CDK17: variants seen among roughly 807,000 people sequenced by gnomAD.
The protein encoded by CDK17 is cyclin-dependent kinase 17.
A neutral mutation model predicts 77.6 loss-of-function variants in CDK17; 24 were observed. The observed-to-expected ratio is 0.31, with a 90% confidence interval of 0.22 to 0.44. The LOEUF is 0.44. Ranked by LOEUF, CDK17 falls within the 20% of genes least tolerant of loss-of-function variation. The probability of loss-of-function intolerance (pLI) is 1.00; values close to 1 mark genes in which losing one functional copy is unlikely to be tolerated. For synonymous variants in CDK17, 203 were observed against 210.4 expected (o/e 0.96, Z 0.30); for missense variants, 429 against 622.5 (o/e 0.69, Z 3.31).
chr12:96,345,909 T>C (rs552283576), intron 1 of CDK17, among the ~76,000 whole-genome samples: 5 of 152,206 alleles, frequency 3.3e-5, no homozygotes, highest in South Asian at 2.1e-4. Flanking sequence ...CAGAAAACAA[T>C]AGCTAACTAG....
chr12:96,346,794 A>T (rs1181162424), intron 1 of CDK17, among the ~76,000 whole-genome samples: 1 of 152,018 alleles, frequency 6.6e-6, no homozygotes, highest in East Asian at 1.9e-4. Context: ...AGGTGCCTGT[A>T]GTCCCAGCTA....
At chr12:96,351,996 C>T (rs1953319081) in intron 1 of CDK17, among the ~76,000 whole-genome samples, 1 of 152,110 alleles carries the variant, frequency 6.6e-6, no homozygotes, top group African/African-American at 2.4e-5. Flanking sequence ...AATAAATCAA[C>T]TAAATTCTAG....
intron 3 of CDK17, among the ~76,000 whole-genome samples, chr12:96,317,313 T>C (rs1952745191): frequency 7.7e-6 from 1 of 130,504 alleles, no homozygotes; most frequent in Non-Finnish European, 1.6e-5. Flanking sequence ...AGACCAAATC[T>C]ACGTCTGATT....
intron 1 of CDK17, among the ~76,000 whole-genome samples, chr12:96,369,082 A>C (rs1953647668): frequency 6.6e-6 from 1 of 152,152 alleles, no homozygotes; most frequent in Non-Finnish European, 1.5e-5. Flanking sequence ...TCACTAAAAA[A>C]CAAGAATCTG....
intron 1 of CDK17, among the ~76,000 whole-genome samples, chr12:96,358,929 A>C (rs1953451741): frequency 1.4e-5 from 2 of 147,926 alleles, no homozygotes; most frequent in South Asian, 2.1e-4. Context: ...GCCACTAGGT[A>C]ACCGTATATT....
At chr12:96,365,529 T>C (rs1187018300) in intron 1 of CDK17, among the ~76,000 whole-genome samples, 1 of 152,056 alleles carries the variant, frequency 6.6e-6, no homozygotes, top group African/African-American at 2.4e-5. Context: ...ACAAAATGCC[T>C]TTCCTTTCAA....
At chr12:96,324,506 C>T (rs1486145417) in intron 2 of CDK17, among the ~76,000 whole-genome samples, 1 of 152,142 alleles carries the variant, frequency 6.6e-6, no homozygotes, top group African/African-American at 2.4e-5. Flanking sequence ...ATGGCTCACA[C>T]CTGTAATCCC....
chr12:96,373,000 CTT>C (rs918167844), intron 1 of CDK17, among the ~76,000 whole-genome samples: 11 of 152,278 alleles, frequency 7.2e-5, no homozygotes, highest in Non-Finnish European at 1.5e-4. Flanking sequence ...TAGATTCTCT[CTT>C]TGCTTCATTA....
chr12:96,302,395 A>G (rs1952519668), intron 5 of CDK17, among the ~76,000 whole-genome samples: 1 of 152,154 alleles, frequency 6.6e-6, no homozygotes, highest in South Asian at 2.1e-4. Context: ...AAGATCACAG[A>G]AACTAATAAA....
intron 13 of CDK17, chr12:96,285,642 G>A (rs1226311435): frequency 6.6e-6 from 1 of 152,588 alleles, no homozygotes; most frequent in Non-Finnish European, 1.5e-5. Context: ...CTAAGGAATT[G>A]GACAGAGTTT....
chr12:96,312,850 A>G (rs1387399947), intron 4 of CDK17, among the ~76,000 whole-genome samples: 1 of 152,182 alleles, frequency 6.6e-6, no homozygotes, highest in Non-Finnish European at 1.5e-5. Flanking sequence ...AAAGGAAAGG[A>G]CACCCACTTT....
chr12:96,291,161 G>A (rs910773574), intron 10 of CDK17, among the ~76,000 whole-genome samples: 5 of 149,274 alleles, frequency 3.3e-5, no homozygotes, highest in African/African-American at 1.2e-4. Flanking sequence ...AGACAGAATT[G>A]AATATACTAT....
At chr12:96,373,185 C>T (rs1447060756) in intron 1 of CDK17, among the ~76,000 whole-genome samples, 3 of 152,154 alleles carry the variant, frequency 2.0e-5, no homozygotes, top group African/African-American at 7.2e-5. Context: ...AGAATAAGTC[C>T]TAGGGTAAGC....
intron 1 of CDK17, among the ~76,000 whole-genome samples, chr12:96,342,296 C>T (rs1323672426): frequency 6.6e-6 from 1 of 152,234 alleles, no homozygotes; most frequent in East Asian, 1.9e-4. Flanking sequence ...ACCCAACACA[C>T]TCTAGGACAT....
At chr12:96,391,108 G>A (rs1954060688) in intron 1 of CDK17, among the ~76,000 whole-genome samples, 1 of 150,568 alleles carries the variant, frequency 6.6e-6, no homozygotes, top group African/African-American at 2.4e-5. Flanking sequence ...GAAAAACAAA[G>A]CTTCTAGTCA....
At chr12:96,301,932 C>A (rs1029489239) in intron 5 of CDK17, among the ~76,000 whole-genome samples, 1 of 152,056 alleles carries the variant, frequency 6.6e-6, no homozygotes, top group African/African-American at 2.4e-5. Flanking sequence ...ATATTAAAAG[C>A]CATGTGGAAA....
chr12:96,283,704 G>T (rs1952207988), intron 13 of CDK17, 59 bp from the exon 14 acceptor site: 2 of 1,103,818 alleles, frequency 1.8e-6, no homozygotes, highest in South Asian at 1.3e-5. Flanking sequence ...AAACTTTTCA[G>T]ATAAAACTAT....
intron 1 of CDK17, among the ~76,000 whole-genome samples, chr12:96,368,876 AC>A (rs1296360664): frequency 2.0e-5 from 3 of 147,470 alleles, no homozygotes; most frequent in African/African-American, 7.4e-5. Flanking sequence ...ACCCTAGGTA[AC>A]TACAAAGTCT....
chr12:96,394,851 TTTTA>T (rs903934464), intron 1 of CDK17, among the ~76,000 whole-genome samples: 4 of 145,136 alleles, frequency 2.8e-5, no homozygotes, highest in African/African-American at 5.1e-5. Flanking sequence ...ATTATTTTAT[TTTTA>T]TTTATTATTT....
Sources: gnomAD v4.1 joint callset for allele counts (sites outside exome capture counted in the v4.1 genomes callset) on GRCh38, gnomAD v4.1.1 for gene constraint, MANE v1.5 for transcripts, NCBI Gene and HGNC (gene_info 2026-07-23, HGNC 2026-07-21) for gene names.